Variants in KCNB2 observed in about 807,000 individuals in gnomAD.
KCNB2 encodes delayed rectifier potassium channel protein.
Under a neutral mutation model 61.5 loss-of-function variants are expected in KCNB2, and 15 were observed. The observed-to-expected ratio is 0.24, with a 90% CI of 0.16 to 0.38. KCNB2 has a LOEUF of 0.38. Among genes scored for constraint, KCNB2 ranks in the 10% least tolerant of loss-of-function variants. KCNB2 has a pLI of 1.00. For synonymous variants in KCNB2, 457 were observed against 446.0 expected (o/e 1.02, Z -0.31); for missense variants, 828 against 1,125.2 (o/e 0.74, Z 3.78).
intron 2 of KCNB2, among the ~76,000 whole-genome samples, chr8:72,867,817 G>A (rs1342033286): frequency 6.6e-6 from 1 of 152,140 alleles, no homozygotes; most frequent in Admixed American, 6.5e-5. Context: ...GTCAGATGAA[G>A]ATGACATCAC....
intron 2 of KCNB2, among the ~76,000 whole-genome samples, chr8:72,795,686 C>T (rs1486050768): frequency 1.3e-5 from 2 of 152,124 alleles, no homozygotes; most frequent in South Asian, 2.1e-4. Flanking sequence ...CCTAAAATGC[C>T]TCATACATAT....
chr8:72,604,611 C>A (rs941636431), intron 2 of KCNB2, among the ~76,000 whole-genome samples: 1 of 152,176 alleles, frequency 6.6e-6, no homozygotes, highest in Non-Finnish European at 1.5e-5. Context: ...TCCCAAAAAT[C>A]ACCTAATGAA....
At chr8:72,753,526 A>G (rs1393738823) in intron 2 of KCNB2, among the ~76,000 whole-genome samples, 1 of 152,234 alleles carries the variant, frequency 6.6e-6, no homozygotes, top group African/African-American at 2.4e-5. Context: ...ACAGAATGCT[A>G]TAGGAACCTG....
chr8:72,736,591 C>T (rs754370031), intron 2 of KCNB2, among the ~76,000 whole-genome samples: 15 of 152,100 alleles, frequency 9.9e-5, no homozygotes, highest in Non-Finnish European at 2.2e-4. Context: ...GAAGAGTTTG[C>T]TTGGTTTTCA....
intron 2 of KCNB2, among the ~76,000 whole-genome samples, chr8:72,684,257 C>T (rs557610309): frequency 1.3e-5 from 2 of 152,288 alleles, no homozygotes; most frequent in South Asian, 4.2e-4. Flanking sequence ...AGAAGAAATA[C>T]AAAATAAGGT....
intron 2 of KCNB2, chr8:72,660,780 T>A (rs1211294753): frequency 2.0e-5 from 3 of 152,196 alleles, no homozygotes; most frequent in African/African-American, 7.2e-5. Context: ...TTTGGATAGA[T>A]TCGCCTCTGT....
chr8:72,569,041 A>AT (rs1806669874), intron 2 of KCNB2, among the ~76,000 whole-genome samples: 1 of 152,012 alleles, frequency 6.6e-6, no homozygotes, highest in South Asian at 2.1e-4. Flanking sequence ...CTCACAGTAA[A>AT]TTTTTTGTCA....
intron 2 of KCNB2, among the ~76,000 whole-genome samples, chr8:72,832,654 A>G (rs972486063): frequency 3.3e-5 from 5 of 152,196 alleles, no homozygotes; most frequent in Non-Finnish European, 5.9e-5. Context: ...AGCATGCCAC[A>G]GTTCCACAGA....
chr8:72,541,657 C>A (rs1423806635), intron 1 of KCNB2, among the ~76,000 whole-genome samples: 3 of 151,992 alleles, frequency 2.0e-5, no homozygotes, highest in Admixed American at 6.6e-5. Context: ...TAAGAGAAAA[C>A]CCCCATATTT....
At chr8:72,836,022 A>G (rs1809775991) in intron 2 of KCNB2, among the ~76,000 whole-genome samples, 1 of 152,230 alleles carries the variant, frequency 6.6e-6, no homozygotes, top group South Asian at 2.1e-4. Context: ...TGTAACAGCA[A>G]AATTTTCAAT....
intron 2 of KCNB2, among the ~76,000 whole-genome samples, chr8:72,595,253 G>T (rs1296556967): frequency 2.0e-5 from 3 of 151,590 alleles, no homozygotes; most frequent in African/African-American, 7.3e-5. Context: ...AGTGCATCAT[G>T]TGTCTCTTGC....
intron 2 of KCNB2, among the ~76,000 whole-genome samples, chr8:72,685,429 T>C (rs1806834126): frequency 1.3e-5 from 2 of 152,176 alleles, no homozygotes; most frequent in Non-Finnish European, 2.9e-5. Context: ...AGAAGCTAGA[T>C]GTACCATGTT....
At chr8:72,912,155 C>T (rs1806307331) in intron 2 of KCNB2, among the ~76,000 whole-genome samples, 1 of 152,158 alleles carries the variant, frequency 6.6e-6, no homozygotes, top group Non-Finnish European at 1.5e-5. Context: ...GTCATTTTCA[C>T]ATGATTCCTT....
At chr8:72,551,974 A>G (rs916484536) in intron 1 of KCNB2, among the ~76,000 whole-genome samples, 3 of 152,084 alleles carry the variant, frequency 2.0e-5, no homozygotes, top group Non-Finnish European at 4.4e-5. Flanking sequence ...GTTCCCAAGA[A>G]CTGCTGTTCA....
chr8:72,856,712 G>A (rs1810213887), intron 2 of KCNB2, among the ~76,000 whole-genome samples: 1 of 152,124 alleles, frequency 6.6e-6, no homozygotes, highest in Non-Finnish European at 1.5e-5. Context: ...ATTCATTTGA[G>A]GTAGTTGGAT....
chr8:72,587,542 A>G (rs75250492), intron 2 of KCNB2, among the ~76,000 whole-genome samples: 3,795 of 152,270 alleles, frequency 0.025, 148 homozygotes, highest in African/African-American at 0.084. Flanking sequence ...AGCCTGGACA[A>G]CATGGTGAAA....
intron 2 of KCNB2, among the ~76,000 whole-genome samples, chr8:72,632,265 A>C (rs1338101909): frequency 6.6e-6 from 1 of 152,106 alleles, no homozygotes; most frequent in Non-Finnish European, 1.5e-5. Flanking sequence ...GGAGGGGGCA[A>C]TGGAAAAAAA....
At position 72,694,264 on chromosome 8, in the gene KCNB2, G is replaced by A. The variant is rs184479566; in HGVS notation, c.579+125951G>A. On this transcript the variant is annotated intron_variant, in intron 2 of 2. Transcript: ENST00000523207. Reference sequence around the variant, plus strand: ...GCTAGGACAAAGACTGGCTTTTAGAGGCAAATCAGTGAGTTTGCATGTGAG... The same window carrying A: ...GCTAGGACAAAGACTGGCTTTTAGAAGCAAATCAGTGAGTTTGCATGTGAG... 1.6e-3 allele frequency among the ~76,000 whole-genome samples: 243 copies of A among 152,216 alleles called. 1 individual carries two copies. Among genetic ancestry groups the A allele is most frequent in the African/African-American group, 5.6e-3 (233 of 41,528 alleles).
chr8:72,818,946 C>T (rs1393574222), intron 2 of KCNB2, among the ~76,000 whole-genome samples: 1 of 152,134 alleles, frequency 6.6e-6, no homozygotes, highest in Non-Finnish European at 1.5e-5. Flanking sequence ...TACTGCTTAC[C>T]AGTTGTGTAA....
Sources: gnomAD v4.1 joint callset for allele counts (sites outside exome capture counted in the v4.1 genomes callset) on GRCh38, gnomAD v4.1.1 for gene constraint, MANE v1.5 for transcripts, NCBI Gene and HGNC (gene_info 2026-07-23, HGNC 2026-07-21) for gene names.